The following HPSE2 variants were observed in gnomAD, a reference collection of about 807,000 sequenced individuals.
The protein encoded by HPSE2 is heparanase 2 (inactive), also known as inactive heparanase-2.
HPSE2 carries 38 observed loss-of-function variants against 60.5 expected under a neutral mutation model. The observed-to-expected ratio is 0.63, with a 90% CI of 0.48 to 0.82. The LOEUF (loss-of-function observed/expected upper bound fraction) is 0.82. Ranked by LOEUF, HPSE2 falls within the 40% of genes least tolerant of loss-of-function variation. HPSE2 has a pLI of 0.00. For missense variants in HPSE2, 713 were observed against 740.4 expected (o/e 0.96, Z 0.43); for synonymous variants, 295 against 293.2 (o/e 1.01, Z -0.06).
At position 98,520,028 on chromosome 10, in the gene HPSE2, C is replaced by T. The variant is rs182850619; in HGVS notation, c.1321-29832G>A. On this transcript the variant is annotated intron_variant, in intron 9 of 11. Coordinates refer to ENST00000370552, the MANE Select transcript of HPSE2 (RefSeq NM_021828.5). ...ATTAACAAATATGTAAAAAAATACCCGTCAGAGAAAGATGTTTTCCTGCTT... is the reference window on the plus strand; with the variant it reads ...ATTAACAAATATGTAAAAAAATACCTGTCAGAGAAAGATGTTTTCCTGCTT... Among the ~76,000 whole-genome samples the T allele has an allele frequency of 8.1e-3, 1,237 of 152,236 alleles. 12 individuals carry two copies. The highest frequency in any genetic ancestry group is 0.013 in the Non-Finnish European group (890 of 68,010).
In HPSE2 at chr10:99,094,576, A is replaced by T. The variant is rs868597380; in HGVS notation, c.610+49662T>A. On this transcript the variant is annotated intron_variant, in intron 3 of 11. Transcript: ENST00000370552. ...TTTTTTTTTTTTTTTTTTTTTTCTGAGACAGAGTCTTTCTCTGTGGCCCAG... is the reference window on the plus strand; with the variant it reads ...TTTTTTTTTTTTTTTTTTTTTTCTGTGACAGAGTCTTTCTCTGTGGCCCAG... 6.1e-3 allele frequency among the ~76,000 whole-genome samples: 332 copies of T among 54,844 alleles called. 2 individuals are homozygous for T. Among genetic ancestry groups the T allele is most frequent in the African/African-American group, 0.028 (314 of 11,090 alleles). 36.0% of individuals were successfully genotyped at this position (54,844 alleles called of 152,430 possible). A position where few individuals can be genotyped will look rare whatever the true frequency, so the allele number is the denominator to read the frequency against.
Position 98,937,309 on chromosome 10 carries a change from A to G in HPSE2, c.611-193253T>C, listed in dbSNP as rs1173876754. 2.1e-5 allele frequency among the ~76,000 whole-genome samples: 3 copies of G among 144,546 alleles called. 1 individual carries two copies. The highest frequency in any genetic ancestry group is 1.4e-4 in the Admixed American group (2 of 14,580). The allele number at this position is 144,546 out of a possible 152,430, so 94.8% of individuals were successfully genotyped here. A position where few individuals can be genotyped will look rare whatever the true frequency, so the allele number is the denominator to read the frequency against. On this transcript the variant is annotated intron_variant, in intron 3 of 11. Coordinates refer to ENST00000370552, the MANE Select transcript of HPSE2 (RefSeq NM_021828.5). ...ATTGCCTCACTCAGGAAGTGCAAGGAGTCGGGGAGTTCCCTTTCCTAGTCA... is the reference window on the plus strand; with the variant it reads ...ATTGCCTCACTCAGGAAGTGCAAGGGGTCGGGGAGTTCCCTTTCCTAGTCA...
At chr10:98,846,729 T>C (rs1952043664) in intron 3 of HPSE2, among the ~76,000 whole-genome samples, 1 of 152,212 alleles carries the variant, frequency 6.6e-6, no homozygotes. Flanking sequence ...CAAAATGCTA[T>C]GACACATTGT....
intron 6 of HPSE2, among the ~76,000 whole-genome samples, chr10:98,650,373 T>A (rs1292994519): frequency 6.6e-6 from 1 of 152,230 alleles, no homozygotes; most frequent in Non-Finnish European, 1.5e-5. Flanking sequence ...GTTAAAACAA[T>A]TTGTGTTATA....
chr10:98,979,019 C>T (rs1026306677), intron 3 of HPSE2, among the ~76,000 whole-genome samples: 3 of 152,144 alleles, frequency 2.0e-5, no homozygotes, highest in South Asian at 2.1e-4. Context: ...CTATTTAGTG[C>T]CACCGTTTTT....
the HPSE2 span, among the ~76,000 whole-genome samples, chr10:99,248,032 T>G: frequency 6.6e-6 from 1 of 152,206 alleles, no homozygotes; most frequent in Non-Finnish European, 1.5e-5. Flanking sequence ...TTACCCAGTT[T>G]GGGGTATTTC....
intron 3 of HPSE2, among the ~76,000 whole-genome samples, chr10:98,792,998 A>G (rs1418707287): frequency 2.0e-5 from 3 of 152,226 alleles, no homozygotes; most frequent in African/African-American, 7.2e-5. Flanking sequence ...CAGACAAAAA[A>G]CAAATTGGAA....
At chr10:98,697,490 G>T (rs1040477074) in intron 5 of HPSE2, among the ~76,000 whole-genome samples, 6 of 152,122 alleles carry the variant, frequency 3.9e-5, no homozygotes, top group Admixed American at 3.9e-4. Flanking sequence ...CAAACCCTCT[G>T]GGAAATATGG....
intron 3 of HPSE2, among the ~76,000 whole-genome samples, chr10:99,039,049 G>A (rs550483110): frequency 8.5e-5 from 13 of 152,110 alleles, no homozygotes; most frequent in Admixed American, 2.6e-4. Flanking sequence ...TTCAGAGGGC[G>A]CGTATCAGCT....
intron 3 of HPSE2, among the ~76,000 whole-genome samples, chr10:99,060,607 G>C (rs1958216056): frequency 7.2e-6 from 1 of 138,718 alleles, no homozygotes; most frequent in South Asian, 2.4e-4. Context: ...GAGGTAAGCT[G>C]AGATTGGGCC....
At chr10:98,875,061 C>T (rs550078662) in intron 3 of HPSE2, among the ~76,000 whole-genome samples, 1 of 151,784 alleles carries the variant, frequency 6.6e-6, no homozygotes, top group South Asian at 2.1e-4. Context: ...GGATATTGGC[C>T]CACATTAGAA....
the HPSE2 span, among the ~76,000 whole-genome samples, chr10:99,247,126 A>G: frequency 1.3e-3 from 202 of 152,336 alleles, 1 homozygote; most frequent in African/African-American, 4.8e-3. Context: ...ACACAAGCAT[A>G]CACACATACC....
chr10:99,098,048 C>T (rs1312735190), intron 3 of HPSE2, among the ~76,000 whole-genome samples: 4 of 152,166 alleles, frequency 2.6e-5, no homozygotes, highest in African/African-American at 9.7e-5. Flanking sequence ...AACCTCAGCC[C>T]TTTGTCATTC....
intron 3 of HPSE2, among the ~76,000 whole-genome samples, chr10:98,988,304 T>A (rs1364337882): frequency 9.2e-5 from 14 of 152,272 alleles, no homozygotes; most frequent in African/African-American, 3.1e-4. Flanking sequence ...GAGATATAGA[T>A]CAATGGAACA....
At chr10:99,264,806 G>GTATCA in the HPSE2 span, among the ~76,000 whole-genome samples, 1 of 108,856 alleles carries the variant, frequency 9.2e-6, no homozygotes, top group African/African-American at 2.5e-5. Context: ...CAACCCCACA[G>GTATCA]TATCACCCCT....
intron 11 of HPSE2, among the ~76,000 whole-genome samples, chr10:98,473,745 C>A (rs987929988): frequency 6.6e-6 from 1 of 152,000 alleles, no homozygotes; most frequent in Admixed American, 6.6e-5. Context: ...TCTCTTCTTA[C>A]TTTTTCCAAA....
the HPSE2 span, among the ~76,000 whole-genome samples, chr10:99,311,164 T>C: frequency 6.6e-6 from 1 of 152,348 alleles, no homozygotes; most frequent in South Asian, 2.1e-4. Flanking sequence ...AAAAGTCTTC[T>C]GAGTCATATT....
intron 3 of HPSE2, among the ~76,000 whole-genome samples, chr10:99,108,421 T>C (rs1156557934): frequency 1.3e-5 from 2 of 152,056 alleles, no homozygotes; most frequent in Non-Finnish European, 2.9e-5. Flanking sequence ...AAAAATCAGT[T>C]CATTTTAGTA....
intron 5 of HPSE2, among the ~76,000 whole-genome samples, chr10:98,720,152 G>A (rs1178374974): frequency 1.3e-5 from 2 of 151,856 alleles, no homozygotes; most frequent in Non-Finnish European, 2.9e-5. Flanking sequence ...AAAGAAAATG[G>A]GATATGAGGG....
Sources: allele counts gnomAD v4.1 joint callset (sites outside exome capture counted in the v4.1 genomes callset), GRCh38; gene constraint gnomAD v4.1.1; transcripts MANE v1.5; gene names NCBI Gene and HGNC (gene_info 2026-07-23, HGNC 2026-07-21).